The following ENPP6 variants were observed in gnomAD, a reference collection of about 807,000 sequenced individuals.
The protein encoded by ENPP6 is glycerophosphocholine cholinephosphodiesterase ENPP6.
In ENPP6, 32 loss-of-function variants were observed where a neutral mutation model predicts 42.0. That is an observed-to-expected ratio of 0.76 (90% CI 0.58 to 1.02). The LOEUF (loss-of-function observed/expected upper bound fraction) is 1.02. Ranked by LOEUF, ENPP6 falls within the 50% of genes least tolerant of loss-of-function variation. The pLI is 0.00. For missense variants in ENPP6, 552 were observed against 566.8 expected, an observed-to-expected ratio of 0.97 and a Z score of 0.27; for synonymous variants, 213 against 216.0, an observed-to-expected ratio of 0.99 and a Z score of 0.12.
intron 7 of ENPP6, among the ~76,000 whole-genome samples, chr4:184,095,386 G>A (rs1045667870): frequency 6.6e-6 from 1 of 152,074 alleles, no homozygotes; most frequent in African/African-American, 2.4e-5. Context: ...TCGGCTGGGC[G>A]TGGTGGCTCA....
intron 1 of ENPP6, among the ~76,000 whole-genome samples, chr4:184,209,146 C>T (rs1733066089): frequency 6.6e-6 from 1 of 151,304 alleles, no homozygotes. Context: ...AAAAACAGAA[C>T]AGAAAAACTG....
intron 1 of ENPP6, among the ~76,000 whole-genome samples, chr4:184,190,730 G>A (rs1732702298): frequency 6.6e-6 from 1 of 152,002 alleles, no homozygotes; most frequent in Non-Finnish European, 1.5e-5. Flanking sequence ...GCCCTCCCAG[G>A]TCCCCATAAC....
In ENPP6 at chr4:184,153,875, A is replaced by G. The variant is rs1280011247; in HGVS notation, c.242-142T>C. 5 of 1,007,076 alleles carry G rather than the reference A, an allele frequency of 5.0e-6. No homozygotes were observed. In the African/African-American group the frequency reaches 9.9e-5, roughly 20 times the overall value. 62.4% of individuals were successfully genotyped at this position (1,007,076 alleles called of 1,614,324 possible). A position where few individuals can be genotyped will look rare whatever the true frequency, so the allele number is the denominator to read the frequency against. ...GATTTGCTTTTGACTTTAAAAAAAA[A>G]TCAGATTTTTTTTTCTTAAGCTGTG... On this transcript the variant is annotated intron_variant, in intron 1 of 7. Coordinates refer to ENST00000296741, the MANE Select transcript of ENPP6 (RefSeq NM_153343.4).
At chr4:184,133,567 G>GT (rs1481398662) in intron 2 of ENPP6, among the ~76,000 whole-genome samples, 2 of 151,980 alleles carry the variant, frequency 1.3e-5, no homozygotes, top group Non-Finnish European at 2.9e-5. Flanking sequence ...CTTTTTAATT[G>GT]TTTTATCCCT....
At chr4:184,193,719 G>A (rs542585603) in intron 1 of ENPP6, among the ~76,000 whole-genome samples, 1 of 152,122 alleles carries the variant, frequency 6.6e-6, no homozygotes, top group African/African-American at 2.4e-5. Context: ...ATTAGCATAT[G>A]GAAATTAGGT....
At chr4:184,186,894 TACTCAG>T (rs1732641560) in intron 1 of ENPP6, among the ~76,000 whole-genome samples, 1 of 152,190 alleles carries the variant, frequency 6.6e-6, no homozygotes, top group African/African-American at 2.4e-5. Context: ...ACTACCCCCC[TACTCAG>T]AACCCTCCAA....
At chr4:184,142,553 G>A (rs1034004242) in intron 2 of ENPP6, among the ~76,000 whole-genome samples, 1 of 152,218 alleles carries the variant, frequency 6.6e-6, no homozygotes, top group South Asian at 2.1e-4. Context: ...GAGGAAGAGG[G>A]TGGGCTAGCC....
intron 1 of ENPP6, among the ~76,000 whole-genome samples, chr4:184,190,484 A>G (rs933428679): frequency 2.0e-5 from 3 of 152,204 alleles, no homozygotes; most frequent in Admixed American, 6.5e-5. Flanking sequence ...GACTAAACAT[A>G]TCACCCTTGA....
chr4:184,126,361 CT>C (rs1414619698), intron 2 of ENPP6, among the ~76,000 whole-genome samples: 11 of 152,104 alleles, frequency 7.2e-5, no homozygotes, highest in East Asian at 1.9e-4. Context: ...ATGTAAAATT[CT>C]ACAGTACAGG....
At chr4:184,203,339 C>T (rs926033808) in intron 1 of ENPP6, among the ~76,000 whole-genome samples, 1 of 152,220 alleles carries the variant, frequency 6.6e-6, no homozygotes, top group African/African-American at 2.4e-5. Context: ...TAAGTTTGAT[C>T]TTTGACAGCT....
At position 184,155,924 on chromosome 4, in the gene ENPP6, T is replaced by C. The variant is rs551986782; in HGVS notation, c.242-2191A>G. ...ACTCATTCTTCTTTGTTCTCTGCTC[T>C]CTGAGTAGAAAATTATAAGGAGCTT... On this transcript the variant is annotated intron_variant, in intron 1 of 7. Transcript: ENST00000296741. Among the ~76,000 whole-genome samples the C allele has an allele frequency of 3.3e-5, 5 of 152,306 alleles. No individual in the cohort carries two copies. The South Asian group carries it at 1.0e-3, about 32-fold the overall frequency.
chr4:184,212,266 G>T (rs1335082381), intron 1 of ENPP6, among the ~76,000 whole-genome samples: 1 of 151,180 alleles, frequency 6.6e-6, no homozygotes, highest in Admixed American at 6.6e-5. Flanking sequence ...AGGAAATAAA[G>T]GGTATTCAAT....
rs907071342 is a variant in ENPP6, at chr4:184,208,908, C to T, written c.241+8671G>A. ...AGATCTGAGAACGGGCAGACTGCCT[C>T]CTCAAGTGGGTCCCTGACCCCTGAC... On this transcript the variant is annotated intron_variant, in intron 1 of 7. Transcript: ENST00000296741. Among the ~76,000 whole-genome samples the T allele has an allele frequency of 1.4e-5, 2 of 144,390 alleles. 1 individual carries two copies. The allele number at this position is 144,390 out of a possible 152,430, so 94.7% of individuals were successfully genotyped here. A position where few individuals can be genotyped will look rare whatever the true frequency, so the allele number is the denominator to read the frequency against.
chr4:184,167,032 C>A (rs1737360669), intron 1 of ENPP6, among the ~76,000 whole-genome samples: 1 of 152,262 alleles, frequency 6.6e-6, no homozygotes, highest in Admixed American at 6.5e-5. Context: ...CATCCCGCAG[C>A]TGCCCCACCT....
chr4:184,131,234 CCTT>C lies in ENPP6; in HGVS notation c.422-6965_422-6963del, dbSNP rs1168944641. Among the ~76,000 whole-genome samples, 27 of 74,388 alleles carry C rather than the reference CCTT, an allele frequency of 3.6e-4. 3 individuals are homozygous for C. Among genetic ancestry groups the C allele is most frequent in the African/African-American group, 1.5e-3 (25 of 16,940 alleles). 48.8% of individuals were successfully genotyped at this position (74,388 alleles called of 152,430 possible). A position where few individuals can be genotyped will look rare whatever the true frequency, so the allele number is the denominator to read the frequency against. Reference sequence around the variant, plus strand: ...TTTCTTTCTTTTTCTTTCTTTCTTTCCTTTTCTTTCTTTCTTTCTCTTTCTCTT... The same window carrying C: ...TTTCTTTCTTTTTCTTTCTTTCTTTCTTCTTTCTTTCTTTCTCTTTCTCTT... On this transcript the variant is annotated intron_variant, in intron 2 of 7. Transcript: ENST00000296741.
intron 1 of ENPP6, among the ~76,000 whole-genome samples, chr4:184,159,190 G>A (rs1737223452): frequency 6.6e-6 from 1 of 152,132 alleles, no homozygotes; most frequent in South Asian, 2.1e-4. Flanking sequence ...TTCAAAAGTT[G>A]CAATAACTTA....
At chr4:184,120,519 T>C (rs13101629) in intron 3 of ENPP6, among the ~76,000 whole-genome samples, 106,308 of 152,022 alleles carry the variant, frequency 0.7, 37,712 homozygotes, top group African/African-American at 0.8. Context: ...TGTGACCCCC[T>C]GCTCTCCTCC....
chr4:184,127,814 G>A (rs539765726), intron 2 of ENPP6, among the ~76,000 whole-genome samples: 1 of 152,288 alleles, frequency 6.6e-6, no homozygotes, highest in Non-Finnish European at 1.5e-5. Context: ...GTAGTTATGT[G>A]AAAATATTTT....
intron 1 of ENPP6, among the ~76,000 whole-genome samples, chr4:184,155,482 C>T (rs1737142033): frequency 7.9e-6 from 1 of 125,966 alleles, no homozygotes; most frequent in South Asian, 2.3e-4. Flanking sequence ...AGCTGGTGTG[C>T]AAAGAAGCTG....
Sources: allele counts gnomAD v4.1 joint callset (sites outside exome capture counted in the v4.1 genomes callset), GRCh38; gene constraint gnomAD v4.1.1; transcripts MANE v1.5; gene names NCBI Gene and HGNC (gene_info 2026-07-23, HGNC 2026-07-21).